ZNF33A: variants seen among roughly 807,000 people sequenced by gnomAD.
The protein encoded by ZNF33A is zinc finger protein 33A.
Under a neutral mutation model 15.9 loss-of-function variants are expected in ZNF33A, and 9 were observed. That is an observed-to-expected ratio of 0.57 (90% CI 0.34 to 0.99). ZNF33A has a LOEUF of 0.99. ZNF33A is among the 50% of genes least tolerant of loss of function. The probability of loss-of-function intolerance (pLI) is 0.02; values close to 1 mark genes in which losing one functional copy is unlikely to be tolerated. For synonymous variants in ZNF33A, 294 were observed against 324.2 expected (o/e 0.91, Z 1.00); for missense variants, 843 against 941.6 (o/e 0.90, Z 1.37).
At chr10:38,039,349 A>G in intron 4 of ZNF33A, 2 of 396,778 alleles carry the variant, frequency 5.0e-6, no homozygotes, top group Admixed American at 3.0e-5. Context: ...CAGCCTCCCA[A>G]GTAGCTGGGA....
chr10:38,065,533 C>T (rs975241100), downstream of ZNF33A, among the ~76,000 whole-genome samples: 4 of 152,126 alleles, frequency 2.6e-5, no homozygotes, highest in African/African-American at 7.2e-5. Context: ...ACTTCAAATA[C>T]GATCAGGAAA....
intron 4 of ZNF33A, among the ~76,000 whole-genome samples, chr10:38,042,289 G>A (rs372744790): frequency 9.9e-5 from 15 of 151,532 alleles, no homozygotes; most frequent in African/African-American, 3.6e-4. Flanking sequence ...GGGTTCAAGC[G>A]ATTCTCCTGT....
intron 4 of ZNF33A, among the ~76,000 whole-genome samples, chr10:38,031,185 C>T (rs962686352): frequency 6.6e-6 from 1 of 152,164 alleles, no homozygotes; most frequent in African/African-American, 2.4e-5. Flanking sequence ...TGATATTGAA[C>T]TATAGTTCTG....
intron 4 of ZNF33A, among the ~76,000 whole-genome samples, chr10:38,047,190 CAAAAAAAAA>C (rs61278605): frequency 0.12 from 7,479 of 64,420 alleles, 287 homozygotes; most frequent in Middle Eastern, 0.29. Context: ...CCACCCCTGC[CAAAAAAAAA>C]AAAAAAAAAA....
chr10:38,048,277 T>C (rs749497869), intron 4 of ZNF33A, among the ~76,000 whole-genome samples: 1 of 152,230 alleles, frequency 6.6e-6, no homozygotes, highest in African/African-American at 2.4e-5. Flanking sequence ...AAAAGTATAT[T>C]GTCTTTATAC....
intron 4 of ZNF33A, among the ~76,000 whole-genome samples, chr10:38,019,979 T>C (rs1217484520): frequency 6.6e-6 from 1 of 152,172 alleles, no homozygotes; most frequent in Non-Finnish European, 1.5e-5. Context: ...AGTGGTAAAA[T>C]GTCTGATAGA....
At chr10:38,038,554 A>C (rs2065553415) in intron 4 of ZNF33A, among the ~76,000 whole-genome samples, 1 of 150,194 alleles carries the variant, frequency 6.7e-6, no homozygotes, top group Admixed American at 6.6e-5. Flanking sequence ...AAATACAGAT[A>C]GTTTCACTTT....
chr10:38,028,476 T>C (rs550821589), intron 4 of ZNF33A, among the ~76,000 whole-genome samples: 2 of 152,032 alleles, frequency 1.3e-5, no homozygotes, highest in East Asian at 3.9e-4. Context: ...GTTGATTTTT[T>C]TTTTTTTCGA....
chr10:38,020,032 C>T (rs1368646928), intron 4 of ZNF33A, among the ~76,000 whole-genome samples: 2 of 152,048 alleles, frequency 1.3e-5, no homozygotes, highest in Non-Finnish European at 2.9e-5. Context: ...AGAACAACTA[C>T]TGAGAATACT....
downstream of ZNF33A, chr10:38,064,088 G>T (rs749729227): frequency 1.3e-6 from 2 of 1,597,124 alleles, no homozygotes; most frequent in Non-Finnish European, 8.5e-7. Context: ...TCCCTCCCAG[G>T]CCCCTGAGAT....
intron 2 of ZNF33A, among the ~76,000 whole-genome samples, chr10:38,012,896 A>G (rs1265745165): frequency 6.6e-6 from 1 of 152,220 alleles, no homozygotes; most frequent in East Asian, 1.9e-4. Flanking sequence ...GACACTGGAT[A>G]CAGACAGACT....
intron 2 of ZNF33A, among the ~76,000 whole-genome samples, chr10:38,014,628 G>A (rs1212851937): frequency 2.1e-4 from 32 of 152,126 alleles, no homozygotes; most frequent in Admixed American, 2.1e-3. Context: ...TTTACATTGT[G>A]ATATTTGTCA....
intron 4 of ZNF33A, among the ~76,000 whole-genome samples, chr10:38,050,192 A>C (rs2066139257): frequency 6.6e-6 from 1 of 152,228 alleles, no homozygotes; most frequent in African/African-American, 2.4e-5. Context: ...AACGAGACAA[A>C]GACACTGCAA....
intron 4 of ZNF33A, among the ~76,000 whole-genome samples, chr10:38,051,352 C>T (rs1052938906): frequency 6.6e-6 from 1 of 152,046 alleles, no homozygotes; most frequent in Non-Finnish European, 1.5e-5. Context: ...TATCAGAAAT[C>T]AGAAATTTAA....
intron 4 of ZNF33A, among the ~76,000 whole-genome samples, chr10:38,041,541 A>G (rs2065701500): frequency 6.6e-6 from 1 of 151,852 alleles, no homozygotes; most frequent in South Asian, 2.1e-4. Context: ...TTTTATATAT[A>G]TTACATATAT....
In ZNF33A at chr10:38,055,639, T is replaced by C; in HGVS notation, c.1515T>C (p.Thr505=). Residue 505 remains threonine, a synonymous_variant, in exon 5 of 5, where the codon ACT becomes ACC. Coordinates refer to ENST00000432900, the MANE Select transcript of ZNF33A (RefSeq NM_006954.2). The part of the protein sequence containing the change: ...KSYECNACGK[T]FYHKSLLTRH... The stretch of plus-strand genomic sequence containing the variant: ...ATGAATGTAATGCATGTGGGAAAAC[T>C]TTCTACCACAAGTCATTACTCACCA... 1 of 1,613,964 alleles carries C rather than the reference T, an allele frequency of 6.2e-7. No individual in the cohort carries two copies. The highest frequency in any genetic ancestry group is 1.1e-5 in the South Asian group (1 of 91,088).
At chr10:38,016,249 A>C (rs569395561) in intron 2 of ZNF33A, among the ~76,000 whole-genome samples, 3 of 152,222 alleles carry the variant, frequency 2.0e-5, no homozygotes, top group Non-Finnish European at 2.9e-5. Context: ...TGTAAATATA[A>C]ATCTGTAGTT....
chr10:38,022,214 A>G (rs75358003), intron 4 of ZNF33A, among the ~76,000 whole-genome samples: 9,127 of 152,332 alleles, frequency 0.06, 354 homozygotes, highest in Middle Eastern at 0.095. Context: ...GAAAAAATCA[A>G]TAAAATTGAT....
chr10:38,052,369 G>A (rs2066247518), intron 4 of ZNF33A, among the ~76,000 whole-genome samples: 1 of 152,074 alleles, frequency 6.6e-6, no homozygotes, highest in African/African-American at 2.4e-5. Flanking sequence ...ATTTGCAATA[G>A]TATCAAAAAT....
Sources: allele counts gnomAD v4.1 joint callset (sites outside exome capture counted in the v4.1 genomes callset), GRCh38; gene constraint gnomAD v4.1.1; transcripts MANE v1.5; gene names NCBI Gene and HGNC (gene_info 2026-07-23, HGNC 2026-07-21).